The following BRINP2 variants were observed in gnomAD, a reference collection of about 807,000 sequenced individuals.
BRINP2 encodes the protein BMP/retinoic acid-inducible neural-specific protein 2.
A neutral mutation model predicts 69.2 loss-of-function variants in BRINP2; 21 were observed. The observed-to-expected ratio is 0.30, with a 90% CI of 0.22 to 0.44. The LOEUF is 0.44. Among genes scored for constraint, BRINP2 ranks in the 20% least tolerant of loss-of-function variants. The pLI, the probability that BRINP2 is intolerant of heterozygous loss-of-function variation, is 1.00. For synonymous variants in BRINP2, 380 were observed against 394.1 expected (o/e 0.96, Z 0.42); for missense variants, 877 against 986.0 (o/e 0.89, Z 1.48).
chr1:177,230,886 T>C (rs1649845189), intron 2 of BRINP2, among the ~76,000 whole-genome samples: 1 of 152,240 alleles, frequency 6.6e-6, no homozygotes, highest in Admixed American at 6.5e-5. Flanking sequence ...CTCTGTCCAC[T>C]TGCCCCCTTG....
chr1:177,244,308 A>G (rs543942406), intron 2 of BRINP2, among the ~76,000 whole-genome samples: 45 of 152,358 alleles, frequency 3.0e-4, no homozygotes, highest in African/African-American at 9.6e-4. Flanking sequence ...AACAGCATAC[A>G]CTGCCTTCAC....
chr1:177,186,608 G>C lies in BRINP2; in HGVS notation c.-77+14876G>C, dbSNP rs537063607. ...ATGGAGGTCAAAGTTAGGACCCTGG[G>C]AAGTGAGAGGGAATTGAGGAAGAAA... On this transcript the variant is annotated intron_variant, in intron 1 of 7. Coordinates refer to ENST00000361539, the MANE Select transcript of BRINP2 (RefSeq NM_021165.4). Among the ~76,000 whole-genome samples the C allele has an allele frequency of 3.5e-4, 54 of 152,180 alleles. 1 individual carries two copies. The highest frequency in any genetic ancestry group is 1.2e-3 in the African/African-American group (50 of 41,534).
chr1:177,272,611 C>T (rs768318059), intron 4 of BRINP2, among the ~76,000 whole-genome samples: 4 of 152,160 alleles, frequency 2.6e-5, no homozygotes, highest in African/African-American at 7.2e-5. Context: ...CAGAAGAGGA[C>T]GTCAGAGGTA....
intron 1 of BRINP2, among the ~76,000 whole-genome samples, chr1:177,223,956 A>G (rs1402247721): frequency 6.6e-6 from 1 of 152,162 alleles, no homozygotes; most frequent in African/African-American, 2.4e-5. Context: ...AAATGAAACC[A>G]GGAGCACATC....
intron 1 of BRINP2, among the ~76,000 whole-genome samples, chr1:177,197,285 C>A (rs981679805): frequency 6.6e-6 from 1 of 152,086 alleles, no homozygotes; most frequent in Non-Finnish European, 1.5e-5. Flanking sequence ...GTGCTACACA[C>A]TTTTAAACAA....
chr1:177,263,758 G>T (rs1260691696), intron 4 of BRINP2, among the ~76,000 whole-genome samples: 2 of 152,066 alleles, frequency 1.3e-5, no homozygotes, highest in Non-Finnish European at 2.9e-5. Context: ...GGGAGGTAGG[G>T]TATATTTGAG....
intron 2 of BRINP2, among the ~76,000 whole-genome samples, chr1:177,246,166 A>C (rs1571927747): frequency 6.6e-6 from 1 of 151,808 alleles, no homozygotes; most frequent in African/African-American, 2.4e-5. Context: ...TAACCAAACA[A>C]CTCCTGGACT....
At chr1:177,276,047 G>A (rs1651482599) in intron 5 of BRINP2, 151 bp from the exon 6 acceptor site, 1 of 712,804 alleles carries the variant, frequency 1.4e-6, no homozygotes, top group Non-Finnish European at 2.4e-6. Flanking sequence ...CCCCCAACCA[G>A]CTCAGCAGGA....
intron 1 of BRINP2, among the ~76,000 whole-genome samples, chr1:177,172,709 G>A (rs1647973432): frequency 6.6e-6 from 1 of 152,218 alleles, no homozygotes. Context: ...GCACTGTAAT[G>A]TGATTGAACA....
Position 177,230,116 on chromosome 1 carries a change from G to A in BRINP2, c.240G>A (p.Gln80=). 6.2e-7 allele frequency: 1 copy of A among 1,612,118 alleles called. No homozygotes were observed. The highest frequency in any genetic ancestry group is 8.5e-7 in the Non-Finnish European group (1 of 1,179,052). ...CTGACTTCATGGAGCGGTACCGCCA[G>A]GGTTTCACCACCAGGTACAGGATTT... ...EYADFMERYR[Q]GFTTRYRIYR... is the part of the protein sequence containing the mutation. Residue 80 remains glutamine, a synonymous_variant, in exon 2 of 8, where the codon CAG becomes CAA. Transcript: ENST00000361539.
Position 177,251,554 on chromosome 1 carries a change from C to T in BRINP2, c.270-4365C>T, listed in dbSNP as rs367838345. Among the ~76,000 whole-genome samples, 56 of 152,240 alleles carry T rather than the reference C, an allele frequency of 3.7e-4. No homozygotes were observed. The East Asian group carries it at 8.7e-3, about 24-fold the overall frequency. On this transcript the variant is annotated intron_variant, in intron 2 of 7. Transcript: ENST00000361539. ...CACTACTTTCTTAATCTCTCTGGGT[C>T]CAAGTTGTGACTATTGTCACCACCA...
intron 4 of BRINP2, among the ~76,000 whole-genome samples, chr1:177,271,629 A>G (rs964483790): frequency 4.6e-5 from 7 of 152,158 alleles, no homozygotes; most frequent in Non-Finnish European, 1.0e-4. Context: ...GTTAAGTGGG[A>G]TGCTCTTGGA....
chr1:177,210,747 TCTA>T (rs1649198157), intron 1 of BRINP2, among the ~76,000 whole-genome samples: 1 of 151,714 alleles, frequency 6.6e-6, no homozygotes, highest in Non-Finnish European at 1.5e-5. Flanking sequence ...TTATTTGACA[TCTA>T]AATAGAGAAT....
chr1:177,218,271 T>TA (rs1371155581), intron 1 of BRINP2, among the ~76,000 whole-genome samples: 1 of 151,974 alleles, frequency 6.6e-6, no homozygotes, highest in African/African-American at 2.4e-5. Context: ...GGTCTTCTCT[T>TA]ACCTAGGCAG....
chr1:177,207,433 T>G (rs900833208), intron 1 of BRINP2, among the ~76,000 whole-genome samples: 1 of 152,054 alleles, frequency 6.6e-6, no homozygotes, highest in Non-Finnish European at 1.5e-5. Context: ...GATGCAGCCA[T>G]GTAAGGGCGG....
At chr1:177,259,342 G>T (rs916381309) in intron 4 of BRINP2, among the ~76,000 whole-genome samples, 1 of 152,124 alleles carries the variant, frequency 6.6e-6, no homozygotes, top group Non-Finnish European at 1.5e-5. Flanking sequence ...TGAAGCTAGC[G>T]TAGGTTGGTT....
At chr1:177,196,368 A>T (rs1255689795) in intron 1 of BRINP2, among the ~76,000 whole-genome samples, 9 of 152,188 alleles carry the variant, frequency 5.9e-5, no homozygotes, top group Admixed American at 5.2e-4. Context: ...CTGTAATCCC[A>T]GCACTTTGGG....
At chr1:177,273,844 C>T (rs969232937) in intron 5 of BRINP2, among the ~76,000 whole-genome samples, 6 of 152,222 alleles carry the variant, frequency 3.9e-5, no homozygotes, top group Non-Finnish European at 8.8e-5. Flanking sequence ...TCCCACTTCA[C>T]ATTCCATCTC....
At chr1:177,240,737 G>T (rs142458819) in intron 2 of BRINP2, among the ~76,000 whole-genome samples, 1 of 152,200 alleles carries the variant, frequency 6.6e-6, no homozygotes, top group African/African-American at 2.4e-5. Flanking sequence ...GAAAACCACA[G>T]GGCTTATTAG....
Sources: gnomAD v4.1 joint callset for allele counts (sites outside exome capture counted in the v4.1 genomes callset) on GRCh38, gnomAD v4.1.1 for gene constraint, MANE v1.5 for transcripts, NCBI Gene and HGNC (gene_info 2026-07-23, HGNC 2026-07-21) for gene names.